NLRP2: variants seen among roughly 807,000 people sequenced by gnomAD.
NLRP2 encodes NACHT, LRR and PYD domains-containing protein 2.
Under a neutral mutation model 97.2 loss-of-function variants are expected in NLRP2, and 107 were observed. The ratio of observed to expected loss-of-function variants is 1.10; its 90% confidence interval spans 0.94 to 1.29. The LOEUF is 1.29. Ranked by LOEUF, NLRP2 falls within the 50% of genes most tolerant of loss-of-function variation. NLRP2 has a pLI of 0.00. For synonymous variants in NLRP2, 663 were observed against 551.5 expected (o/e 1.20, Z -2.83); for missense variants, 1,495 against 1,330.3 (o/e 1.12, Z -1.93).
At chr19:54,992,541 G>T (rs1195357533) in intron 10 of NLRP2, among the ~76,000 whole-genome samples, 32 of 7,136 alleles carry the variant, frequency 4.5e-3, no homozygotes, top group South Asian at 0.011. Context: ...ATTTTTTTGG[G>T]GGGGGGGGGG....
intron 2 of NLRP2, among the ~76,000 whole-genome samples, chr19:54,970,822 A>G (rs930314861): frequency 1.3e-4 from 10 of 75,336 alleles, no homozygotes; most frequent in African/African-American, 4.5e-4. Context: ...TTTTATTATT[A>G]TTATTTTTTT....
At chr19:54,990,916 T>A (rs1837224716) in intron 10 of NLRP2, 1 of 568,484 alleles carries the variant, frequency 1.8e-6, no homozygotes, top group Admixed American at 3.0e-5. Context: ...TTTTTCCTCT[T>A]TATGTATGTA....
chr19:54,990,952 G>A (rs1028703346), intron 10 of NLRP2: 8 of 479,670 alleles, frequency 1.7e-5, no homozygotes, highest in African/African-American at 2.0e-5. Flanking sequence ...GGATCTCGCC[G>A]TGTTGCCTAG....
chr19:54,973,077 G>C (rs373587425), intron 2 of NLRP2, among the ~76,000 whole-genome samples: 303 of 152,012 alleles, frequency 2.0e-3, no homozygotes, highest in Middle Eastern at 0.01. Flanking sequence ...TGTAGTCCCA[G>C]CTACTTGGGA....
chr19:54,971,014 T>C (rs1299269876), intron 2 of NLRP2, among the ~76,000 whole-genome samples: 5 of 117,812 alleles, frequency 4.2e-5, no homozygotes, highest in South Asian at 2.9e-4. Context: ...ATGTTCCCCT[T>C]CCTGTGTCCA....
intron 8 of NLRP2, among the ~76,000 whole-genome samples, chr19:54,987,739 C>CAA (rs146853071): frequency 0.097 from 11,615 of 120,026 alleles, 677 homozygotes; most frequent in East Asian, 0.23. Context: ...GAGACTGTCT[C>CAA]AAAAAAAAAA....
At chr19:54,981,550 CTA>C in intron 4 of NLRP2, 65 bp from the exon 5 acceptor site, 1 of 557,162 alleles carries the variant, frequency 1.8e-6, no homozygotes, top group Non-Finnish European at 3.3e-6. Flanking sequence ...CTCCTTTTCT[CTA>C]ATTGGGACTC....
upstream of NLRP2, chr19:54,965,927 TAA>T (rs1423547131): frequency 5.0e-3 from 343 of 69,142 alleles, no homozygotes; most frequent in African/African-American, 0.017. Flanking sequence ...AATAAAATAA[TAA>T]TAATACTGTG....
At chr19:54,990,281 C>A in intron 9 of NLRP2, 89 bp downstream of exon 9, 1 of 1,377,524 alleles carries the variant, frequency 7.3e-7, no homozygotes, top group African/African-American at 1.4e-5. Context: ...CTGTATGGAA[C>A]CTCTCGCTGA....
intron 6 of NLRP2, among the ~76,000 whole-genome samples, chr19:54,984,116 G>A (rs1011048403): frequency 5.9e-5 from 9 of 151,612 alleles, no homozygotes; most frequent in Non-Finnish European, 1.2e-4. Context: ...AGCCTCCAAA[G>A]TGGGATTACA....
chr19:54,991,384 C>T (rs1012960225), intron 10 of NLRP2: 1 of 152,216 alleles, frequency 6.6e-6, no homozygotes, highest in African/African-American at 2.4e-5. Context: ...AACATTGTCT[C>T]TCTACTAAAA....
Position 54,982,401 on chromosome 19 carries a change from C to T in NLRP2, c.703C>T (p.Leu235Phe), listed in dbSNP as rs1258916220. 4 of 1,614,106 alleles carry T rather than the reference C, an allele frequency of 2.5e-6. No homozygotes were observed. The highest frequency in any genetic ancestry group is 3.3e-5 in the Admixed American group (2 of 60,004). ...KLMLDWAEDN[L>F]IHKFKYAFYL... ...AATGCTAGACTGGGCAGAGGACAAC[C>T]TCATCCACAAATTCAAATATGCGTT... Residue 235 changes from leucine (L) to phenylalanine (F), a missense_variant, in exon 6 of 13, where the codon CTC becomes TTC. Physicochemically the swap from Leu to Phe is conservative, Grantham distance 22. Coordinates refer to ENST00000448584, the MANE Select transcript of NLRP2 (RefSeq NM_017852.5).
At position 54,990,001 on chromosome 19, in the gene NLRP2, G is replaced by A. The variant is rs758866235; in HGVS notation, c.2367-21G>A. On this transcript the variant is annotated intron_variant, in intron 8 of 12. Transcript: ENST00000448584. ...GTCTCAAAAAAAAAAAAAAAATGAC[G>A]TGGTCCTATTTCTCCCACAGGTTGG... The A allele has an allele frequency of 1.4e-5, 22 of 1,604,232 alleles. No individual in the cohort carries two copies. The South Asian group carries it at 1.4e-4, about 10-fold the overall frequency.
chr19:54,986,475 T>C (rs1036231), intron 8 of NLRP2, 160 bp downstream of exon 8: 144,291 of 697,216 alleles, frequency 0.21, 17,376 homozygotes, highest in Non-Finnish European at 0.26. Context: ...CTTGAGTTTC[T>C]ACTTGCCTTG....
At chr19:54,996,873 T>C (rs2072854983) in intron 11 of NLRP2, among the ~76,000 whole-genome samples, 1 of 152,042 alleles carries the variant, frequency 6.6e-6, no homozygotes, top group South Asian at 2.1e-4. Flanking sequence ...CGCCTCCATA[T>C]TTTCCTGTTA....
Position 54,997,480 on chromosome 19 carries a change from A to G in NLRP2, c.3043A>G (p.Thr1015Ala), listed in dbSNP as rs775078034. ...GACATGTTCCAGTGGCACCCTCCGG[A>G]CACTCAGGTATGATCCATTTACTTC... ...TLTCSSGTLR[T>A]LRLKIDDFND... Residue 1015 changes from threonine to alanine, a missense_variant, in exon 12 of 13, where the codon ACA becomes GCA. Physicochemically the swap from Thr to Ala is moderately conservative, Grantham distance 58. Transcript: ENST00000448584. The G allele has an allele frequency of 1.7e-5, 27 of 1,614,184 alleles. No homozygotes were observed. The highest frequency in any genetic ancestry group is 2.2e-5 in the Non-Finnish European group (26 of 1,180,024).
intron 11 of NLRP2, among the ~76,000 whole-genome samples, chr19:54,995,338 A>G (rs117931293): frequency 0.023 from 3,455 of 151,212 alleles, 63 homozygotes; most frequent in Non-Finnish European, 0.034. Flanking sequence ...ATAAACAGGC[A>G]TGTGCCACCA....
chr19:54,995,418 C>T (rs182100001), intron 11 of NLRP2, among the ~76,000 whole-genome samples: 163 of 151,576 alleles, frequency 1.1e-3, no homozygotes, highest in African/African-American at 3.5e-3. Flanking sequence ...TCTCGACCTC[C>T]GGACCTCAGG....
chr19:54,972,528 A>G (rs1424556013), intron 2 of NLRP2, among the ~76,000 whole-genome samples: 2 of 152,068 alleles, frequency 1.3e-5, no homozygotes, highest in African/African-American at 4.8e-5. Flanking sequence ...AGGCTGGAGT[A>G]CAATGGGGCA....
Sources: allele counts gnomAD v4.1 joint callset (sites outside exome capture counted in the v4.1 genomes callset), GRCh38; gene constraint gnomAD v4.1.1; transcripts MANE v1.5; gene names NCBI Gene and HGNC (gene_info 2026-07-23, HGNC 2026-07-21).